The following ADGRA3 variants were observed in gnomAD, a reference collection of about 807,000 sequenced individuals.
The protein encoded by ADGRA3 is adhesion G protein-coupled receptor A3.
In ADGRA3, 56 loss-of-function variants were observed where a neutral mutation model predicts 119.8. The ratio of observed to expected loss-of-function variants is 0.47; its 90% CI spans 0.38 to 0.58. The LOEUF is 0.58. Among genes scored for constraint, ADGRA3 ranks in the 20% least tolerant of loss-of-function variants. The pLI is 0.00. For synonymous variants in ADGRA3, 607 were observed against 623.8 expected (o/e 0.97, Z 0.40); for missense variants, 1,516 against 1,649.0 (o/e 0.92, Z 1.40).
At chr4:22,512,599 A>G (rs1719485698) in intron 1 of ADGRA3, among the ~76,000 whole-genome samples, 1 of 152,152 alleles carries the variant, frequency 6.6e-6, no homozygotes, top group Non-Finnish European at 1.5e-5. Context: ...TATAAGAGAA[A>G]GGAGAGGACT....
chr4:22,488,463 C>T lies in ADGRA3; in HGVS notation c.258-14620G>A, dbSNP rs146280912. Among the ~76,000 whole-genome samples the T allele has an allele frequency of 4.0e-4, 61 of 152,284 alleles. 1 individual carries two copies. The highest frequency in any genetic ancestry group is 1.4e-3 in the African/African-American group (57 of 41,562). On this transcript the variant is annotated intron_variant, in intron 1 of 18. Coordinates refer to ENST00000334304, the MANE Select transcript of ADGRA3 (RefSeq NM_145290.4). ...ACTCCCCAGATGAGCTCAGTTGGTG[C>T]CTACAGCACCAGGCTTCAGGGGGCT...
At position 22,416,269 on chromosome 4, in the gene ADGRA3, A is replaced by G. The variant is rs368460435; in HGVS notation, c.1810-2455T>C. Among the ~76,000 whole-genome samples, 86 of 152,336 alleles carry G rather than the reference A, an allele frequency of 5.6e-4. 1 individual carries two copies. Among genetic ancestry groups the G allele is most frequent in the African/African-American group, 1.8e-3 (75 of 41,576 alleles). ...ACATTTATTTTAAAATATATGGATT[A>G]TATCAATGGAAACAGATAACAAACA... On this transcript the variant is annotated intron_variant, in intron 12 of 18. Transcript: ENST00000334304.
At chr4:22,441,202 G>C (rs1716599745) in intron 7 of ADGRA3, among the ~76,000 whole-genome samples, 1 of 152,120 alleles carries the variant, frequency 6.6e-6, no homozygotes, top group South Asian at 2.1e-4. Flanking sequence ...AAGAAGTCAG[G>C]CTGGAAGCCC....
chr4:22,425,992 T>C lies in ADGRA3; in HGVS notation c.1444-1640A>G, dbSNP rs539114651. Among the ~76,000 whole-genome samples, 17 of 152,336 alleles carry C rather than the reference T, an allele frequency of 1.1e-4. No individual in the cohort carries two copies. In the South Asian group the frequency reaches 1.2e-3, roughly 11 times the overall value. Reference sequence around the variant, plus strand: ...CCTTCTTCGTAACTACAGATAATAATAGTCCTGTCTTTCTGAATGTTGTGG... The same window carrying C: ...CCTTCTTCGTAACTACAGATAATAACAGTCCTGTCTTTCTGAATGTTGTGG... On this transcript the variant is annotated intron_variant, in intron 10 of 18. Transcript: ENST00000334304.
intron 1 of ADGRA3, among the ~76,000 whole-genome samples, chr4:22,490,539 T>A (rs1269457996): frequency 6.6e-6 from 1 of 152,144 alleles, no homozygotes; most frequent in Non-Finnish European, 1.5e-5. Flanking sequence ...GCAACTATTG[T>A]GTCCTGGGAG....
Position 22,392,563 on chromosome 4 carries a change from G to A in ADGRA3, c.2609C>T (p.Pro870Leu). ...GAGATACCTGAGCATTGGTCTTGGT[G>A]GAGGTGGTGGTTCATCAGGATCCTG... Reference protein sequence around the residue: ...RCQDPDEPPPPPRPMLRFYLI... With the variant: ...RCQDPDEPPPLPRPMLRFYLI... Residue 870 changes from proline to leucine, a missense_variant, in exon 17 of 19, where the codon CCA becomes CTA. This residue lies in a region of ADGRA3 where 1,088 missense variants were observed against 1,107.1 expected (regional missense o/e 0.98). Transcript: ENST00000334304. The A allele has an allele frequency of 6.2e-7, 1 of 1,613,954 alleles. No individual in the cohort carries two copies. Among genetic ancestry groups the A allele is most frequent in the Non-Finnish European group, 8.5e-7 (1 of 1,179,892 alleles).
intron 7 of ADGRA3, among the ~76,000 whole-genome samples, chr4:22,438,844 A>G (rs910962853): frequency 6.6e-6 from 1 of 152,124 alleles, no homozygotes; most frequent in African/African-American, 2.4e-5. Flanking sequence ...AATATTTTTA[A>G]AAGTTAGCCG....
At chr4:22,411,017 T>G (rs1481456600) in intron 14 of ADGRA3, among the ~76,000 whole-genome samples, 1 of 152,256 alleles carries the variant, frequency 6.6e-6, no homozygotes, top group Non-Finnish European at 1.5e-5. Context: ...TTTAATAGTT[T>G]TGAAGAACAG....
intron 1 of ADGRA3, 200 bp downstream of exon 1, chr4:22,515,328 G>C (rs1719608478): frequency 4.0e-6 from 2 of 504,960 alleles, no homozygotes; most frequent in Non-Finnish European, 3.2e-6. Context: ...GTGGAGCTGG[G>C]AGGCAGCTCG....
At chr4:22,444,871 AGTTCTG>A (rs1716769318) in intron 6 of ADGRA3, 96 bp downstream of exon 6, 1 of 1,110,072 alleles carries the variant, frequency 9.0e-7, no homozygotes, top group African/African-American at 1.5e-5. Context: ...GCTGCATACT[AGTTCTG>A]TCCAAGTATA....
At chr4:22,506,416 G>T (rs1719242523) in intron 1 of ADGRA3, among the ~76,000 whole-genome samples, 1 of 152,158 alleles carries the variant, frequency 6.6e-6, no homozygotes, top group African/African-American at 2.4e-5. Context: ...AGCCAGGCAT[G>T]GTGGTGCGTG....
chr4:22,494,327 G>T (rs1419773640), intron 1 of ADGRA3, among the ~76,000 whole-genome samples: 1 of 151,900 alleles, frequency 6.6e-6, no homozygotes, highest in Non-Finnish European at 1.5e-5. Context: ...TCTAAAAAGG[G>T]GAGGCATGAA....
In ADGRA3 at chr4:22,469,021, A is replaced by C. The variant is rs199769399; in HGVS notation, c.329+4751T>G. On this transcript the variant is annotated intron_variant, in intron 2 of 18. Transcript: ENST00000334304. ...TTAGCAGCCTAACAGTATGAGACCT[A>C]TAAGATCAAGGATCCAAAACATCAA... Among the ~76,000 whole-genome samples the C allele has an allele frequency of 7.2e-5, 11 of 152,256 alleles. No homozygotes were observed. In the East Asian group the frequency reaches 1.9e-3, roughly 27 times the overall value.
At chr4:22,474,941 C>T (rs1285947075) in intron 1 of ADGRA3, among the ~76,000 whole-genome samples, 1 of 152,090 alleles carries the variant, frequency 6.6e-6, no homozygotes, top group African/African-American at 2.4e-5. Flanking sequence ...ATGGAGCATA[C>T]CTCTGGATCA....
rs1442851602 is a variant in ADGRA3 at position 22,447,421 on chromosome 4, G to T, written c.545+19C>A. On this transcript the variant is annotated intron_variant, in intron 5 of 18. Coordinates refer to ENST00000334304, the MANE Select transcript of ADGRA3 (RefSeq NM_145290.4). ...CATGAAAATCAAAAAAAAAAAGAGA[G>T]AAAAAAATTCTTACTTACAAAGACC... 1 of 1,399,742 alleles carries T rather than the reference G, an allele frequency of 7.1e-7. No individual in the cohort carries two copies. Among genetic ancestry groups the T allele is most frequent in the Admixed American group, 2.5e-5 (1 of 40,280 alleles). 86.7% of individuals were successfully genotyped at this position (1,399,742 alleles called of 1,614,324 possible).
intron 3 of ADGRA3, among the ~76,000 whole-genome samples, chr4:22,456,835 C>T (rs1014470449): frequency 2.4e-4 from 36 of 152,116 alleles, no homozygotes; most frequent in African/African-American, 8.7e-4. Flanking sequence ...TCTGTTATGG[C>T]AACATTTGAT....
At chr4:22,489,391 A>C (rs141452638) in intron 1 of ADGRA3, among the ~76,000 whole-genome samples, 1 of 152,326 alleles carries the variant, frequency 6.6e-6, no homozygotes, top group Non-Finnish European at 1.5e-5. Context: ...TATTTTGGGT[A>C]TAGATCATGA....
chr4:22,410,903 A>G (rs1304329331), intron 14 of ADGRA3, among the ~76,000 whole-genome samples: 5 of 152,216 alleles, frequency 3.3e-5, no homozygotes, highest in African/African-American at 1.2e-4. Context: ...TCTTAGTACT[A>G]CAGTATTTTA....
At chr4:22,430,839 G>A (rs1358901979) in intron 10 of ADGRA3, among the ~76,000 whole-genome samples, 2 of 86,722 alleles carry the variant, frequency 2.3e-5, no homozygotes, top group Admixed American at 1.2e-4. Flanking sequence ...TGGGCCCAGG[G>A]TCCATGTGCT....
Sources: gnomAD v4.1 joint callset for allele counts (sites outside exome capture counted in the v4.1 genomes callset) on GRCh38, gnomAD v4.1.1 for gene constraint, gnomAD v4.1.1 regional missense constraint, MANE v1.5 for transcripts, NCBI Gene and HGNC (gene_info 2026-07-23, HGNC 2026-07-21) for gene names.